Variants in HSD17B2 observed in about 807,000 individuals in gnomAD.
HSD17B2 encodes the protein 17-beta-hydroxysteroid dehydrogenase type 2.
In HSD17B2, 32 loss-of-function variants were observed where a neutral mutation model predicts 26.9. The ratio of observed to expected loss-of-function variants is 1.19; its 90% CI spans 0.90 to 1.60. The LOEUF (loss-of-function observed/expected upper bound fraction) is 1.60, where lower values mean the gene tolerates loss of function less well. Ranked by LOEUF, HSD17B2 falls within the 40% of genes most tolerant of loss-of-function variation. The pLI is 0.00. For synonymous variants in HSD17B2, 246 were observed against 186.7 expected, an observed-to-expected ratio of 1.32 and a Z score of -2.59; for missense variants, 613 against 468.6, an observed-to-expected ratio of 1.31 and a Z score of -2.85.
At chr16:82,039,305 T>C (rs1486541472) in intron 1 of HSD17B2, among the ~76,000 whole-genome samples, 1 of 151,020 alleles carries the variant, frequency 6.6e-6, no homozygotes, top group Non-Finnish European at 1.5e-5. Context: ...GCATATGTTA[T>C]ACTACTATAG....
intron 1 of HSD17B2, among the ~76,000 whole-genome samples, chr16:82,062,025 T>G (rs1914453018): frequency 6.6e-6 from 1 of 152,210 alleles, no homozygotes; most frequent in African/African-American, 2.4e-5. Flanking sequence ...AATTTAAGAC[T>G]TGAACCAACA....
chr16:82,088,954 G>C (rs929115439), intron 3 of HSD17B2, among the ~76,000 whole-genome samples: 3 of 152,160 alleles, frequency 2.0e-5, no homozygotes, highest in African/African-American at 7.2e-5. Context: ...TTGTCTGAGA[G>C]AAAGAATAAA....
chr16:82,051,421 A>T (rs1451498160), intron 1 of HSD17B2, among the ~76,000 whole-genome samples: 1 of 152,234 alleles, frequency 6.6e-6, no homozygotes, highest in African/African-American at 2.4e-5. Context: ...TTGCAGAGAC[A>T]TGGATGAAGC....
intron 1 of HSD17B2, among the ~76,000 whole-genome samples, chr16:82,037,493 G>A (rs1056553394): frequency 1.3e-5 from 2 of 152,114 alleles, no homozygotes; most frequent in Non-Finnish European, 2.9e-5. Context: ...CAGGACCAAA[G>A]AAAAATGTGG....
At chr16:82,040,890 A>G (rs1427110856) in intron 1 of HSD17B2, among the ~76,000 whole-genome samples, 1 of 152,252 alleles carries the variant, frequency 6.6e-6, no homozygotes, top group African/African-American at 2.4e-5. Context: ...CTGGAGAAGC[A>G]TGAGCAACAA....
chr16:82,076,193 A>G (rs1904300288), intron 3 of HSD17B2, among the ~76,000 whole-genome samples: 1 of 152,176 alleles, frequency 6.6e-6, no homozygotes, highest in Non-Finnish European at 1.5e-5. Context: ...CTTTATGATA[A>G]AAACCCTCAA....
At chr16:82,052,754 T>G (rs906555728) in intron 1 of HSD17B2, among the ~76,000 whole-genome samples, 1 of 152,192 alleles carries the variant, frequency 6.6e-6, no homozygotes, top group South Asian at 2.1e-4. Context: ...GAAGATCACA[T>G]GTAGTAGGAG....
intron 3 of HSD17B2, among the ~76,000 whole-genome samples, chr16:82,073,066 A>G (rs1373370960): frequency 6.6e-6 from 1 of 152,106 alleles, no homozygotes; most frequent in African/African-American, 2.4e-5. Flanking sequence ...CTCTCAAAAA[A>G]TAACTCACAA....
rs767788961 is a variant in HSD17B2 at position 82,071,033 on chromosome 16, C to T, written c.570C>T (p.Ala190=). 1.2e-5 allele frequency: 20 copies of T among 1,614,012 alleles called. No homozygotes were observed. The highest frequency in any genetic ancestry group is 2.2e-5 in the East Asian group (1 of 44,900). The part of the protein sequence containing the change: ...LLMTDYKQCM[A]VNFFGTVEVT... ...TGACTGACTACAAACAATGCATGGC[C>T]GTGAACTTCTTTGGAACTGTGGAGG... Residue 190 remains alanine (A), a synonymous_variant, in exon 3 of 5, where the codon GCC becomes GCT. Transcript: ENST00000199936.
chr16:82,087,260 A>G (rs948627337), intron 3 of HSD17B2, among the ~76,000 whole-genome samples: 4 of 152,234 alleles, frequency 2.6e-5, no homozygotes, highest in African/African-American at 9.6e-5. Flanking sequence ...CACTTAAAAA[A>G]TATGTTAAAA....
chr16:82,035,887 G>A (rs1913612182), intron 1 of HSD17B2, among the ~76,000 whole-genome samples, 198 bp downstream of exon 1: 1 of 152,134 alleles, frequency 6.6e-6, no homozygotes, highest in African/African-American at 2.4e-5. Flanking sequence ...GGTAGTGGGA[G>A]GGAAGGAGAG....
chr16:82,038,660 G>C (rs1913685703), intron 1 of HSD17B2, among the ~76,000 whole-genome samples: 1 of 152,210 alleles, frequency 6.6e-6, no homozygotes, highest in African/African-American at 2.4e-5. Flanking sequence ...CACAGGCTTG[G>C]GTTTGAATCC....
At chr16:82,091,852 G>C (rs993582134) in intron 4 of HSD17B2, 2 of 152,190 alleles carry the variant, frequency 1.3e-5, no homozygotes, top group South Asian at 4.1e-4. Context: ...CTTTCACAAA[G>C]GAATTGCGTT....
At chr16:82,065,476 A>T (rs982232559) in intron 1 of HSD17B2, among the ~76,000 whole-genome samples, 2 of 152,168 alleles carry the variant, frequency 1.3e-5, no homozygotes, top group Non-Finnish European at 1.5e-5. Flanking sequence ...GGGGGCTTTA[A>T]AATCCATGGC....
intron 1 of HSD17B2, among the ~76,000 whole-genome samples, chr16:82,057,449 G>T (rs1186823255): frequency 6.6e-6 from 1 of 152,094 alleles, no homozygotes; most frequent in Non-Finnish European, 1.5e-5. Flanking sequence ...CACCCGCTTC[G>T]GCCTCCCAAA....
chr16:82,074,722 C>T (rs1904292840), intron 3 of HSD17B2, among the ~76,000 whole-genome samples: 1 of 152,174 alleles, frequency 6.6e-6, no homozygotes, highest in Non-Finnish European at 1.5e-5. Flanking sequence ...TAGAACTAAA[C>T]AGAGAGATAG....
At chr16:82,045,189 G>C (rs1222788540) in intron 1 of HSD17B2, among the ~76,000 whole-genome samples, 1 of 151,576 alleles carries the variant, frequency 6.6e-6, no homozygotes, top group Non-Finnish European at 1.5e-5. Flanking sequence ...AGCGGATGCT[G>C]TGTCTAAACT....
At chr16:82,087,529 C>T (rs897412305) in intron 3 of HSD17B2, among the ~76,000 whole-genome samples, 4 of 152,148 alleles carry the variant, frequency 2.6e-5, no homozygotes, top group African/African-American at 9.7e-5. Context: ...CTAATATTGG[C>T]AGTTCTTGCA....
chr16:82,076,373 G>A (rs556246085), intron 3 of HSD17B2, among the ~76,000 whole-genome samples: 1 of 152,210 alleles, frequency 6.6e-6, no homozygotes, highest in African/African-American at 2.4e-5. Context: ...ACATAATACT[G>A]GAAATCCTGG....
Sources: allele counts gnomAD v4.1 joint callset (sites outside exome capture counted in the v4.1 genomes callset), GRCh38; gene constraint gnomAD v4.1.1; transcripts MANE v1.5; gene names NCBI Gene and HGNC (gene_info 2026-07-23, HGNC 2026-07-21).